The following KREMEN1 variants were observed in gnomAD, a reference collection of about 807,000 sequenced individuals.
KREMEN1 encodes the protein kringle containing transmembrane protein 1.
Under a neutral mutation model 46.5 loss-of-function variants are expected in KREMEN1, and 30 were observed. That is an observed-to-expected ratio of 0.65 (90% CI 0.48 to 0.88). The LOEUF (loss-of-function observed/expected upper bound fraction) is 0.88, where lower values mean the gene tolerates loss of function less well. KREMEN1 is among the 40% of genes least tolerant of loss of function. KREMEN1 has a pLI of 0.00. For missense variants in KREMEN1, 533 were observed against 596.9 expected (o/e 0.89, Z 1.11); for synonymous variants, 214 against 230.6 (o/e 0.93, Z 0.65).
intron 3 of KREMEN1, among the ~76,000 whole-genome samples, chr22:29,117,761 T>C (rs1261652683): frequency 6.6e-6 from 1 of 152,196 alleles, no homozygotes; most frequent in Non-Finnish European, 1.5e-5. Flanking sequence ...GAGTGATTCA[T>C]AAATCGATAA....
chr22:29,166,430 TG>T (rs2039053222), intron 9 of KREMEN1, among the ~76,000 whole-genome samples: 1 of 152,170 alleles, frequency 6.6e-6, no homozygotes, highest in African/African-American at 2.4e-5. Context: ...TTCTTCCACA[TG>T]GTGTTTGGGC....
chr22:29,162,079 T>A (rs2145876260), intron 9 of KREMEN1, among the ~76,000 whole-genome samples: 1 of 150,988 alleles, frequency 6.6e-6, no homozygotes, highest in East Asian at 2.0e-4. Context: ...ATTGTGTCAC[T>A]GCACTCTAGC....
At chr22:29,087,515 T>G (rs1319818908) in intron 1 of KREMEN1, among the ~76,000 whole-genome samples, 5 of 152,224 alleles carry the variant, frequency 3.3e-5, no homozygotes, top group South Asian at 2.1e-4. Context: ...TACCAAAGAT[T>G]AGGATGTCTT....
At chr22:29,134,443 C>T (rs1459784742) in intron 5 of KREMEN1, among the ~76,000 whole-genome samples, 1 of 152,186 alleles carries the variant, frequency 6.6e-6, no homozygotes, top group Non-Finnish European at 1.5e-5. Flanking sequence ...AGGCATGAGC[C>T]ACCATGCCTT....
At position 29,145,253 on chromosome 22, in the gene KREMEN1, T is replaced by A. The variant is rs1003209717; in HGVS notation, c.*3141T>A. On this transcript the variant is annotated 3_prime_UTR_variant, in exon 9 of 9. Transcript: ENST00000400335. ...AGGAAACTCCTTAGATGAGATAAAG[T>A]GGGGGTTGGAGGTGGCGAAAAGAGG... 46 of 985,244 alleles carry A rather than the reference T, an allele frequency of 4.7e-5. No homozygotes were observed. Among genetic ancestry groups the A allele is most frequent in the Admixed American group, 6.2e-5 (1 of 16,246 alleles). The allele number at this position is 985,244 out of a possible 1,614,324, so 61.0% of individuals were successfully genotyped here.
At position 29,092,439 on chromosome 22, in the gene KREMEN1, A is replaced by T. The variant is rs148940047; in HGVS notation, c.98-1819A>T. Among the ~76,000 whole-genome samples the T allele has an allele frequency of 4.6e-5, 7 of 152,332 alleles. No individual in the cohort carries two copies. The East Asian group carries it at 1.3e-3, about 29-fold the overall frequency. On this transcript the variant is annotated intron_variant, in intron 1 of 8. Coordinates refer to ENST00000400335, the MANE Select transcript of KREMEN1 (RefSeq NM_001039570.3). ...CATGGTAAAACACTGTGTAAATATT[A>T]GAAGTGATTTGGATGATGTTTATTC...
In KREMEN1 at chr22:29,142,225, G is replaced by A. The variant is rs868276740; in HGVS notation, c.*113G>A. The A allele has an allele frequency of 1.8e-5, 25 of 1,395,784 alleles. No homozygotes were observed. The highest frequency in any genetic ancestry group is 2.0e-4 in the Middle Eastern group (1 of 5,116). 86.5% of individuals were successfully genotyped at this position (1,395,784 alleles called of 1,614,324 possible). ...TCTTCCCCTCCTCTCCCTCTGCCTC[G>A]GCCTCTTCGGGGAAACCCTCCTCCT... On this transcript the variant is annotated 3_prime_UTR_variant, in exon 9 of 9. Transcript: ENST00000400335.
At chr22:29,103,648 A>G (rs2038008542) in intron 3 of KREMEN1, among the ~76,000 whole-genome samples, 1 of 152,172 alleles carries the variant, frequency 6.6e-6, no homozygotes, top group East Asian at 1.9e-4. Context: ...TTAGATCTCT[A>G]AGGCCTGTTG....
chr22:29,159,286 C>T (rs2038990103), intron 9 of KREMEN1, among the ~76,000 whole-genome samples: 1 of 152,040 alleles, frequency 6.6e-6, no homozygotes, highest in African/African-American at 2.4e-5. Flanking sequence ...TGTTTTGCTC[C>T]TTAATGTTCT....
At chr22:29,116,856 A>G (rs1385265357) in intron 3 of KREMEN1, among the ~76,000 whole-genome samples, 1 of 152,190 alleles carries the variant, frequency 6.6e-6, no homozygotes, top group Admixed American at 6.5e-5. Flanking sequence ...TTAAACCCTA[A>G]AACCCAGACA....
Position 29,142,116 on chromosome 22 carries a change from C to A in KREMEN1, c.*4C>A. ...CAATCCCCTTGTGAGTGACTAAAAA[C>A]CCCACTGTGCCTAGGACTTGAGGTC... On this transcript the variant is annotated 3_prime_UTR_variant, in exon 9 of 9. Coordinates refer to ENST00000400335, the MANE Select transcript of KREMEN1 (RefSeq NM_001039570.3). The A allele has an allele frequency of 6.3e-7, 1 of 1,588,656 alleles. No homozygotes were observed. The highest frequency in any genetic ancestry group is 8.6e-7 in the Non-Finnish European group (1 of 1,168,386).
rs770343248 is a variant in KREMEN1 at position 29,098,957 on chromosome 22, A to C, written c.352+4A>C. 1 of 1,599,448 alleles carries C rather than the reference A, an allele frequency of 6.3e-7. No individual in the cohort carries two copies. Among genetic ancestry groups the C allele is most frequent in the East Asian group, 2.2e-5 (1 of 44,820 alleles). Reference sequence around the variant, plus strand: ...TGTGAGATACCTGCTTGCCAGAGTAAGACTGTAATACCCAATGTGATGGTT... The same window carrying C: ...TGTGAGATACCTGCTTGCCAGAGTACGACTGTAATACCCAATGTGATGGTT... On this transcript the variant is annotated splice_donor_region_variant and intron_variant, in intron 3 of 8. Coordinates refer to ENST00000400335, the MANE Select transcript of KREMEN1 (RefSeq NM_001039570.3).
chr22:29,123,467 A>G (rs2038391360), intron 4 of KREMEN1, among the ~76,000 whole-genome samples: 1 of 152,222 alleles, frequency 6.6e-6, no homozygotes, highest in South Asian at 2.1e-4. Context: ...AAAGAAGCCA[A>G]AGAAGATATA....
exon 10 of KREMEN1, chr22:29,167,062 G>A: frequency 6.4e-7 from 1 of 1,551,660 alleles, no homozygotes; most frequent in Non-Finnish European, 8.7e-7. Context: ...GGACTCGGAA[G>A]TGACATCACT....
chr22:29,125,174 G>C, intron 4 of KREMEN1, 89 bp from the exon 5 acceptor site: 1 of 1,488,716 alleles, frequency 6.7e-7, no homozygotes, highest in Non-Finnish European at 9.2e-7. Context: ...GAGGCTGATT[G>C]CTTGCTGGAA....
intron 3 of KREMEN1, among the ~76,000 whole-genome samples, chr22:29,104,644 CGCCTGT>C (rs1411377532): frequency 2.6e-5 from 4 of 152,162 alleles, no homozygotes; most frequent in Non-Finnish European, 5.9e-5. Flanking sequence ...CAGTGGCTCA[CGCCTGT>C]AATCCCAGCA....
chr22:29,101,249 C>T (rs1247374143), intron 3 of KREMEN1, among the ~76,000 whole-genome samples: 1 of 76,938 alleles, frequency 1.3e-5, no homozygotes, highest in Non-Finnish European at 2.3e-5. Context: ...AAGAGTCTGT[C>T]TCCAAAAAAA....
rs1316353711 is a variant in KREMEN1, at chr22:29,137,500, A to G, written c.790A>G (p.Arg264Gly). ...CTTCAGCTTCCCCCTATTTGACATC[A>G]GGGACTCGGCGGACATGGTGGAGCT... The part of the protein sequence containing the change: ...IHFSFPLFDI[R>G]DSADMVELLD... Residue 264 changes from arginine to glycine, a missense_variant, in exon 6 of 9, where the codon AGG becomes GGG. Transcript: ENST00000400335. 6.2e-7 allele frequency: 1 copy of G among 1,610,504 alleles called. No individual in the cohort carries two copies. The highest frequency in any genetic ancestry group is 2.2e-5 in the East Asian group (1 of 44,718).
At position 29,079,974 on chromosome 22, in the gene KREMEN1, G is replaced by A. The variant is rs2037629070; in HGVS notation, c.97+6747G>A. Among the ~76,000 whole-genome samples the A allele has an allele frequency of 6.6e-5, 10 of 152,228 alleles. No homozygotes were observed. The South Asian group carries it at 2.1e-3, about 32-fold the overall frequency. On this transcript the variant is annotated intron_variant, in intron 1 of 8. Transcript: ENST00000400335. ...AATATTTTTAATAATGACCACAGAA[G>A]CCATATTTGTTTTTCTTTGATGTTC...
Sources: gnomAD v4.1 joint callset for allele counts (sites outside exome capture counted in the v4.1 genomes callset) on GRCh38, gnomAD v4.1.1 for gene constraint, MANE v1.5 for transcripts, NCBI Gene and HGNC (gene_info 2026-07-23, HGNC 2026-07-21) for gene names.